The following ZHX2 variants were observed in gnomAD, a reference collection of about 807,000 sequenced individuals.
ZHX2 encodes the protein zinc fingers and homeoboxes protein 2.
ZHX2 carries 6 observed loss-of-function variants against 21.9 expected under a neutral mutation model. That is an observed-to-expected ratio of 0.27 (90% CI 0.15 to 0.54). ZHX2 has a LOEUF of 0.54. Among genes scored for constraint, ZHX2 ranks in the 20% least tolerant of loss-of-function variants. The pLI, the probability that ZHX2 is intolerant of heterozygous loss-of-function variation, is 0.95. For missense variants in ZHX2, 908 were observed against 1,090.7 expected (o/e 0.83, Z 2.36); for synonymous variants, 434 against 437.1 (o/e 0.99, Z 0.09).
chr8:122,858,638 CTTTT>C (rs34399149), intron 1 of ZHX2, among the ~76,000 whole-genome samples: 2 of 82,734 alleles, frequency 2.4e-5, no homozygotes, highest in Admixed American at 2.5e-4. Flanking sequence ...TTCTTTCTTT[CTTTT>C]TTTTTTTTTT....
At chr8:122,839,714 G>A (rs1161389086) in intron 1 of ZHX2, among the ~76,000 whole-genome samples, 1 of 152,140 alleles carries the variant, frequency 6.6e-6, no homozygotes, top group Non-Finnish European at 1.5e-5. Context: ...GGGTGGCATG[G>A]GATCGTGGGG....
intron 1 of ZHX2, among the ~76,000 whole-genome samples, chr8:122,797,498 T>C (rs1340582766): frequency 3.3e-5 from 5 of 152,352 alleles, no homozygotes; most frequent in Non-Finnish European, 5.9e-5. Flanking sequence ...GCAAGCATTG[T>C]GCCTTTTCTC....
At chr8:122,950,617 A>G (rs535985797) in intron 2 of ZHX2, among the ~76,000 whole-genome samples, 1 of 152,284 alleles carries the variant, frequency 6.6e-6, no homozygotes, top group African/African-American at 2.4e-5. Flanking sequence ...GGCTGAACGT[A>G]TCATGTGTGG....
In ZHX2 at chr8:122,952,338, G is replaced by A. The variant is rs140865098; in HGVS notation, c.828G>A (p.Thr276=). 25 of 1,613,988 alleles carry A rather than the reference G, an allele frequency of 1.5e-5. No individual in the cohort carries two copies. Among genetic ancestry groups the A allele is most frequent in the Non-Finnish European group, 1.9e-5 (22 of 1,180,022 alleles). The change falls in exon 3 of 4, where the codon ACG becomes ACA. Residue 276 remains threonine (T), a synonymous_variant. Transcript: ENST00000314393. The surrounding 1 kb of genome is among the most constrained non-coding windows in gnomAD (Gnocchi z 6.9). ...KYNSALDTNA[T]MINSFNKFPY... ...ACTCTGCCCTGGATACAAATGCCAC[G>A]ATGATCAACTCTTTCAACAAGTTTC...
chr8:122,889,685 G>A (rs931355001), intron 2 of ZHX2, among the ~76,000 whole-genome samples: 5 of 152,092 alleles, frequency 3.3e-5, no homozygotes, highest in Non-Finnish European at 5.9e-5. Context: ...GAACTGTGTG[G>A]GTCTACCTAT....
At chr8:122,901,106 A>AT (rs1820218821) in intron 2 of ZHX2, among the ~76,000 whole-genome samples, 2 of 152,172 alleles carry the variant, frequency 1.3e-5, no homozygotes, top group South Asian at 4.1e-4. Context: ...AAGTGATTTG[A>AT]TTTTTTTAAA....
At chr8:122,851,695 C>G (rs571030944) in intron 1 of ZHX2, among the ~76,000 whole-genome samples, 3 of 152,224 alleles carry the variant, frequency 2.0e-5, no homozygotes, top group Non-Finnish European at 4.4e-5. Flanking sequence ...TATGCATGAC[C>G]TCATATCTCC....
At chr8:122,926,778 T>G (rs1393922618) in intron 2 of ZHX2, among the ~76,000 whole-genome samples, 1 of 152,154 alleles carries the variant, frequency 6.6e-6, no homozygotes, top group Non-Finnish European at 1.5e-5. Context: ...AGCACCTTCC[T>G]CTATCTTCAG....
intron 1 of ZHX2, among the ~76,000 whole-genome samples, chr8:122,799,618 G>C (rs1028157366): frequency 1.3e-5 from 2 of 152,212 alleles, no homozygotes; most frequent in Non-Finnish European, 2.9e-5. Flanking sequence ...TATCTCCATG[G>C]CATAGAGGAC....
At chr8:122,937,288 C>T (rs1423390675) in intron 2 of ZHX2, among the ~76,000 whole-genome samples, 1 of 152,250 alleles carries the variant, frequency 6.6e-6, no homozygotes, top group Admixed American at 6.5e-5. Context: ...AGTGGAAGAA[C>T]CAGTGCTATC....
At chr8:122,871,105 G>C (rs930970139) in intron 2 of ZHX2, among the ~76,000 whole-genome samples, 4 of 152,096 alleles carry the variant, frequency 2.6e-5, no homozygotes, top group Non-Finnish European at 5.9e-5. Context: ...TTCACATCCT[G>C]GCCCAGCCAA....
At chr8:122,938,412 G>A (rs1452599191) in intron 2 of ZHX2, among the ~76,000 whole-genome samples, 2 of 152,168 alleles carry the variant, frequency 1.3e-5, no homozygotes, top group Admixed American at 1.3e-4. Flanking sequence ...AGGAATGTTG[G>A]TTTGGTAGAT....
chr8:122,867,172 C>T (rs1156940465), intron 2 of ZHX2, among the ~76,000 whole-genome samples: 1 of 152,134 alleles, frequency 6.6e-6, no homozygotes, highest in Non-Finnish European at 1.5e-5. Flanking sequence ...TTCCTGCATC[C>T]TACTTTGTGG....
chr8:122,823,869 T>C (rs892167514), intron 1 of ZHX2, among the ~76,000 whole-genome samples: 1 of 152,216 alleles, frequency 6.6e-6, no homozygotes, highest in African/African-American at 2.4e-5. Flanking sequence ...TGTTGACTTT[T>C]GCGTTGTCTG....
chr8:122,916,693 A>G (rs923062330), intron 2 of ZHX2, among the ~76,000 whole-genome samples: 3 of 152,160 alleles, frequency 2.0e-5, no homozygotes, highest in Non-Finnish European at 4.4e-5. Context: ...TCAGTGAAAG[A>G]AAAAGGAGCG....
intron 2 of ZHX2, among the ~76,000 whole-genome samples, chr8:122,907,547 AT>A (rs1409517740): frequency 6.6e-6 from 1 of 152,016 alleles, no homozygotes; most frequent in Non-Finnish European, 1.5e-5. Flanking sequence ...TTCCTTAGTG[AT>A]TTGGGGGGCC....
intron 2 of ZHX2, among the ~76,000 whole-genome samples, chr8:122,893,502 C>T (rs1181525533): frequency 6.6e-6 from 1 of 151,844 alleles, no homozygotes; most frequent in African/African-American, 2.4e-5. Context: ...TTTTTTCATA[C>T]TTTTTTTATT....
At chr8:122,970,265 C>G (rs1157004504) in intron 3 of ZHX2, among the ~76,000 whole-genome samples, 1 of 152,220 alleles carries the variant, frequency 6.6e-6, no homozygotes, top group Non-Finnish European at 1.5e-5. Flanking sequence ...GAACAGCAAT[C>G]CTGAAATGTG....
intron 2 of ZHX2, among the ~76,000 whole-genome samples, chr8:122,908,740 C>A (rs1360096355): frequency 6.6e-6 from 1 of 152,170 alleles, no homozygotes; most frequent in Non-Finnish European, 1.5e-5. Context: ...AAAACACTTG[C>A]CAGTGAACGA....
Sources: allele counts gnomAD v4.1 joint callset (sites outside exome capture counted in the v4.1 genomes callset), GRCh38; gene constraint gnomAD v4.1.1; non-coding constraint Gnocchi (gnomAD v3.1); transcripts MANE v1.5; gene names NCBI Gene and HGNC (gene_info 2026-07-23, HGNC 2026-07-21).